The following TENM4 variants were observed in gnomAD, a reference collection of about 807,000 sequenced individuals.
The protein encoded by TENM4 is teneurin-4.
A neutral mutation model predicts 243.3 loss-of-function variants in TENM4; 82 were observed. The observed-to-expected ratio is 0.34, with a 90% CI of 0.28 to 0.40. The LOEUF is 0.40. Among genes scored for constraint, TENM4 ranks in the 10% least tolerant of loss-of-function variants. The pLI, the probability that TENM4 is intolerant of heterozygous loss-of-function variation, is 1.00. For synonymous variants in TENM4, 1,412 were observed against 1,456.3 expected, an observed-to-expected ratio of 0.97 and a Z score of 0.69; for missense variants, 3,138 against 3,673.3, an observed-to-expected ratio of 0.85 and a Z score of 3.77.
intron 1 of TENM4, among the ~76,000 whole-genome samples, chr11:79,417,306 G>A (rs773221962): frequency 1.3e-5 from 2 of 152,208 alleles, no homozygotes; most frequent in Non-Finnish European, 2.9e-5. Flanking sequence ...CAGCAGCTTT[G>A]AGCAGGTCAG....
intron 26 of TENM4, among the ~76,000 whole-genome samples, chr11:78,711,389 A>G (rs1859393500): frequency 6.6e-6 from 1 of 152,236 alleles, no homozygotes. Context: ...TTACACAGAT[A>G]AGGAAAATGA....
intron 6 of TENM4, among the ~76,000 whole-genome samples, chr11:78,939,045 C>G (rs991416360): frequency 7.2e-5 from 11 of 152,196 alleles, no homozygotes; most frequent in African/African-American, 2.7e-4. Flanking sequence ...ACATACAGCT[C>G]CCATCTGGGG....
chr11:79,121,081 G>C (rs1376592514), intron 4 of TENM4, among the ~76,000 whole-genome samples: 1 of 152,186 alleles, frequency 6.6e-6, no homozygotes, highest in Non-Finnish European at 1.5e-5. Context: ...AACACTCTTA[G>C]ATGGGGAGAC....
At chr11:78,985,739 T>A (rs1275401375) in intron 6 of TENM4, among the ~76,000 whole-genome samples, 2 of 146,598 alleles carry the variant, frequency 1.4e-5, no homozygotes, top group Non-Finnish European at 3.0e-5. Flanking sequence ...TCTTTTTAAA[T>A]TTTTTTTTTA....
At chr11:78,897,003 A>T (rs557447413) in intron 7 of TENM4, among the ~76,000 whole-genome samples, 1 of 152,110 alleles carries the variant, frequency 6.6e-6, no homozygotes, top group Non-Finnish European at 1.5e-5. Context: ...GTTTCAGGAG[A>T]GTTGCCACCA....
chr11:78,712,395 T>C, intron 26 of TENM4, 87 bp downstream of exon 26: 1 of 1,353,042 alleles, frequency 7.4e-7, no homozygotes, highest in African/African-American at 1.5e-5. Context: ...TTCCAAAAAT[T>C]TTTGCAATAT....
chr11:79,016,006 G>A lies in TENM4; in HGVS notation c.493+48732C>T, dbSNP rs75400102. Among the ~76,000 whole-genome samples the A allele has an allele frequency of 5.2e-3, 792 of 152,266 alleles. 13 individuals are homozygous for A. Among genetic ancestry groups the A allele is most frequent in the African/African-American group, 0.018 (761 of 41,540 alleles). ...ATGTGTAAAAGCCAAAGGCAAGGGC[G>A]AGCCTGATGAGACCAAGGTACTGAG... On this transcript the variant is annotated intron_variant, in intron 6 of 33. Coordinates refer to ENST00000278550, the MANE Select transcript of TENM4 (RefSeq NM_001098816.3).
chr11:79,102,299 A>G lies in TENM4; in HGVS notation c.-65-32290T>C, dbSNP rs1861252518. Among the ~76,000 whole-genome samples the G allele has an allele frequency of 2.0e-5, 3 of 152,214 alleles. No homozygotes were observed. The South Asian group carries it at 6.2e-4, about 32-fold the overall frequency. ...TTGGAAAGCTGGGTTAGACACTTGG[A>G]AGAACTTCCTGAGAAGGTCGCACAG... On this transcript the variant is annotated intron_variant, in intron 4 of 33. Transcript: ENST00000278550.
chr11:79,226,369 G>C (rs1029146251), intron 2 of TENM4, among the ~76,000 whole-genome samples: 4 of 152,338 alleles, frequency 2.6e-5, no homozygotes, highest in African/African-American at 9.6e-5. Flanking sequence ...GCTAGCAGAG[G>C]GGGAGAGGGG....
At chr11:79,417,909 C>T (rs558681016) in intron 1 of TENM4, among the ~76,000 whole-genome samples, 10 of 152,292 alleles carry the variant, frequency 6.6e-5, no homozygotes, top group African/African-American at 2.4e-4. Flanking sequence ...AAGTTCTCTC[C>T]TCTTGAAAGC....
chr11:78,881,098 G>C (rs763804527), intron 9 of TENM4, among the ~76,000 whole-genome samples: 1 of 152,180 alleles, frequency 6.6e-6, no homozygotes, highest in Non-Finnish European at 1.5e-5. Flanking sequence ...AAGTGGCCTG[G>C]GCCTGGTGGC....
chr11:79,085,799 G>A (rs1037561000), intron 4 of TENM4, among the ~76,000 whole-genome samples: 5 of 152,172 alleles, frequency 3.3e-5, no homozygotes, highest in African/African-American at 1.2e-4. Context: ...ACCTGAAACT[G>A]CTCTGCATAT....
At chr11:79,143,191 A>T (rs1862326111) in intron 4 of TENM4, among the ~76,000 whole-genome samples, 1 of 152,162 alleles carries the variant, frequency 6.6e-6, no homozygotes. Flanking sequence ...TACCCAAAGG[A>T]TTATAAATCA....
intron 6 of TENM4, among the ~76,000 whole-genome samples, chr11:79,002,076 A>T (rs1470247363): frequency 6.6e-6 from 1 of 150,622 alleles, no homozygotes; most frequent in African/African-American, 2.5e-5. Flanking sequence ...ACTAGCTGGC[A>T]TGAGCACACC....
intron 5 of TENM4, among the ~76,000 whole-genome samples, chr11:79,068,809 C>A (rs937126845): frequency 3.9e-5 from 6 of 152,134 alleles, no homozygotes; most frequent in African/African-American, 9.7e-5. Context: ...TTGAGCAGTT[C>A]AGCAGGGCTG....
Position 78,676,279 on chromosome 11 carries a change from G to A in TENM4, c.5369C>T (p.Thr1790Ile). ...CCTCTTGCCCACGGTGGGGTTGACG[G>A]TGCCAGCCAGCAAGTGGGGCTCAGT... Reference protein sequence around the residue: ...LQTEPHLLAGTVNPTVGKRNV... With the variant: ...LQTEPHLLAGIVNPTVGKRNV... The change falls in exon 30 of 34, where the codon ACC becomes ATC. Residue 1790 changes from threonine to isoleucine, a missense_variant. By Grantham distance (89) the Thr-to-Ile change is moderately conservative (BLOSUM62 -1). Transcript: ENST00000278550. The A allele has an allele frequency of 1.2e-6, 2 of 1,612,774 alleles. No individual in the cohort carries two copies. Among genetic ancestry groups the A allele is most frequent in the African/African-American group, 1.3e-5 (1 of 75,058 alleles).
intron 12 of TENM4, among the ~76,000 whole-genome samples, chr11:78,844,583 A>G (rs1858342470): frequency 6.6e-6 from 1 of 152,064 alleles, no homozygotes; most frequent in African/African-American, 2.4e-5. Context: ...TGGAGTTTGC[A>G]GTGAACCAAG....
At chr11:79,180,367 C>T (rs1273430838) in intron 3 of TENM4, among the ~76,000 whole-genome samples, 1 of 151,516 alleles carries the variant, frequency 6.6e-6, no homozygotes, top group Non-Finnish European at 1.5e-5. Flanking sequence ...AACCTTATGG[C>T]ACATACGATC....
chr11:78,771,369 G>A (rs986004129), intron 17 of TENM4, among the ~76,000 whole-genome samples: 3 of 152,138 alleles, frequency 2.0e-5, no homozygotes, highest in African/African-American at 7.2e-5. Context: ...GAAGCGGCAG[G>A]GACAGGGCTG....
Sources: gnomAD v4.1 joint callset for allele counts (sites outside exome capture counted in the v4.1 genomes callset) on GRCh38, gnomAD v4.1.1 for gene constraint, MANE v1.5 for transcripts, NCBI Gene and HGNC (gene_info 2026-07-23, HGNC 2026-07-21) for gene names.